ASIC2: variants seen among roughly 807,000 people sequenced by gnomAD.
The protein encoded by ASIC2 is acid sensing ion channel subunit 2.
In ASIC2, 25 loss-of-function variants were observed where a neutral mutation model predicts 57.3. The observed-to-expected ratio is 0.44, with a 90% CI of 0.32 to 0.61. ASIC2 has a LOEUF of 0.61. Among genes scored for constraint, ASIC2 ranks in the 20% least tolerant of loss-of-function variants. The probability of loss-of-function intolerance (pLI) is 0.06; values close to 1 mark genes in which losing one functional copy is unlikely to be tolerated. For missense variants in ASIC2, 641 were observed against 738.1 expected, an observed-to-expected ratio of 0.87 and a Z score of 1.52; for synonymous variants, 319 against 307.5, an observed-to-expected ratio of 1.04 and a Z score of -0.39.
At chr17:33,804,344 G>A (rs1220007853) in intron 1 of ASIC2, among the ~76,000 whole-genome samples, 2 of 152,210 alleles carry the variant, frequency 1.3e-5, no homozygotes, top group East Asian at 3.8e-4. Context: ...TCCTGTAGCT[G>A]AGCCTTCTCT....
intron 1 of ASIC2, among the ~76,000 whole-genome samples, chr17:33,826,048 C>G (rs1317365400): frequency 1.3e-5 from 2 of 152,206 alleles, no homozygotes; most frequent in Non-Finnish European, 2.9e-5. Flanking sequence ...TAATGGTACA[C>G]TGAACTAATG....
chr17:33,210,027 A>C (rs1159247181), intron 1 of ASIC2, among the ~76,000 whole-genome samples: 2 of 152,202 alleles, frequency 1.3e-5, no homozygotes, highest in Non-Finnish European at 2.9e-5. Context: ...GGGAAAAGAG[A>C]CAGAGTGCAG....
chr17:33,961,977 G>A (rs1000279322), intron 1 of ASIC2, among the ~76,000 whole-genome samples: 5 of 152,144 alleles, frequency 3.3e-5, no homozygotes, highest in African/African-American at 1.2e-4. Context: ...ACATCACCAA[G>A]GAGGAATTCC....
intron 1 of ASIC2, among the ~76,000 whole-genome samples, chr17:34,079,878 T>C (rs1909811523): frequency 6.6e-6 from 1 of 152,170 alleles, no homozygotes; most frequent in Admixed American, 6.5e-5. Context: ...AGGCTGCACT[T>C]TTCTGGAAGA....
At chr17:33,796,112 C>T (rs1597879385) in intron 1 of ASIC2, among the ~76,000 whole-genome samples, 1 of 152,206 alleles carries the variant, frequency 6.6e-6, no homozygotes, top group African/African-American at 2.4e-5. Flanking sequence ...TTCTTCTTGC[C>T]CTTGGTTTAG....
chr17:33,093,744 T>C (rs1046605023), intron 2 of ASIC2, among the ~76,000 whole-genome samples: 1 of 152,210 alleles, frequency 6.6e-6, no homozygotes, highest in Non-Finnish European at 1.5e-5. Context: ...GCAGGAGCAA[T>C]AGGCAGAATG....
intron 1 of ASIC2, among the ~76,000 whole-genome samples, chr17:34,104,328 C>A (rs1910967475): frequency 6.6e-6 from 1 of 152,028 alleles, no homozygotes; most frequent in South Asian, 2.1e-4. Context: ...GTAAATCGTT[C>A]TAGGAGTTTT....
rs199656876 is a variant in ASIC2, at chr17:33,723,240, A to G, written c.555+432738T>C. On this transcript the variant is annotated intron_variant, in intron 1 of 9. Transcript: ENST00000359872. ...TATTGATATAAGAAGGTGAAGCTCA[A>G]AAACTATATTGAATGAAAGAATCCA... Among the ~76,000 whole-genome samples the G allele has an allele frequency of 4.6e-5, 7 of 152,232 alleles. No homozygotes were observed. In the East Asian group the frequency reaches 1.3e-3, roughly 29 times the overall value.
At chr17:33,613,374 T>TC (rs1423444560) in intron 1 of ASIC2, among the ~76,000 whole-genome samples, 1 of 148,796 alleles carries the variant, frequency 6.7e-6, no homozygotes, top group Non-Finnish European at 1.5e-5. Flanking sequence ...GTATTCTTTT[T>TC]TTTTTTTTTT....
chr17:33,783,808 C>T (rs1440249579), intron 1 of ASIC2, among the ~76,000 whole-genome samples: 1 of 152,230 alleles, frequency 6.6e-6, no homozygotes, highest in Non-Finnish European at 1.5e-5. Context: ...CATGTGCCCA[C>T]TTTAGACCTC....
At chr17:33,760,671 A>G (rs968019878) in intron 1 of ASIC2, among the ~76,000 whole-genome samples, 1 of 152,136 alleles carries the variant, frequency 6.6e-6, no homozygotes, top group African/African-American at 2.4e-5. Context: ...GTGTGTATAT[A>G]TATAAAACCT....
intron 1 of ASIC2, among the ~76,000 whole-genome samples, chr17:33,974,031 C>T (rs979775560): frequency 1.3e-5 from 2 of 152,118 alleles, no homozygotes; most frequent in Non-Finnish European, 2.9e-5. Flanking sequence ...TGCCTTTTTC[C>T]GTCCACTAAT....
chr17:33,626,740 T>G (rs929110401), intron 1 of ASIC2, among the ~76,000 whole-genome samples: 1 of 152,158 alleles, frequency 6.6e-6, no homozygotes, highest in Non-Finnish European at 1.5e-5. Context: ...CCTAAGTAAC[T>G]CTTTATGCCC....
At chr17:33,217,420 A>G (rs1450774252) in intron 1 of ASIC2, among the ~76,000 whole-genome samples, 1 of 152,182 alleles carries the variant, frequency 6.6e-6, no homozygotes, top group African/African-American at 2.4e-5. Flanking sequence ...ACACGCACGT[A>G]CTCATTTTGC....
chr17:33,637,785 G>T (rs1184995363), intron 1 of ASIC2, among the ~76,000 whole-genome samples: 1 of 152,162 alleles, frequency 6.6e-6, no homozygotes, highest in East Asian at 1.9e-4. Flanking sequence ...CTGAGCCCGT[G>T]GTATTACAGT....
rs548492676 is a variant in ASIC2, at chr17:33,966,965, T to C, written c.555+189013A>G. Among the ~76,000 whole-genome samples the C allele has an allele frequency of 1.7e-3, 256 of 152,188 alleles. 3 individuals carry two copies. The highest frequency in any genetic ancestry group is 5.9e-3 in the African/African-American group (246 of 41,518). On this transcript the variant is annotated intron_variant, in intron 1 of 9. Transcript: ENST00000359872. ...AATGTGGGCCCTGCTCCCCTGTTTC[T>C]AGTGTCCTGTTTTATATCCATCCAC...
chr17:33,273,858 G>A (rs1364344238), intron 1 of ASIC2, among the ~76,000 whole-genome samples: 1 of 152,014 alleles, frequency 6.6e-6, no homozygotes, highest in African/African-American at 2.4e-5. Flanking sequence ...GGCAGAATGG[G>A]AGAAATGACT....
At position 34,034,196 on chromosome 17, in the gene ASIC2, G is replaced by C. The variant is rs564237868; in HGVS notation, c.555+121782C>G. ...GTGGGCTTCATCCCTGGAATGCAAGGCTGGTTCAACATATGCAAATCAATA... is the reference window on the plus strand; with the variant it reads ...GTGGGCTTCATCCCTGGAATGCAAGCCTGGTTCAACATATGCAAATCAATA... On this transcript the variant is annotated intron_variant, in intron 1 of 9. Coordinates refer to the ASIC2 transcript ENST00000359872. Among the ~76,000 whole-genome samples the C allele has an allele frequency of 2.0e-3, 308 of 152,264 alleles. 2 individuals are homozygous for C. The highest frequency in any genetic ancestry group is 6.9e-3 in the African/African-American group (288 of 41,536).
chr17:33,953,567 T>TA (rs149814496), intron 1 of ASIC2, among the ~76,000 whole-genome samples: 47,938 of 150,550 alleles, frequency 0.32, 7,667 homozygotes, highest in Admixed American at 0.38. Context: ...CAGCTGTAGT[T>TA]AAAAAAAAAA....
Sources: allele counts gnomAD v4.1 joint callset (sites outside exome capture counted in the v4.1 genomes callset), GRCh38; gene constraint gnomAD v4.1.1; transcripts MANE v1.5; gene names NCBI Gene and HGNC (gene_info 2026-07-23, HGNC 2026-07-21).